The following PTPRD variants were observed in gnomAD, a reference collection of about 807,000 sequenced individuals.
PTPRD encodes receptor-type tyrosine-protein phosphatase delta.
PTPRD carries 34 observed loss-of-function variants against 214.5 expected under a neutral mutation model. The observed-to-expected ratio is 0.16, with a 90% CI of 0.12 to 0.21. The LOEUF (loss-of-function observed/expected upper bound fraction) is 0.21, where lower values mean the gene tolerates loss of function less well. Ranked by LOEUF, PTPRD falls within the 10% of genes least tolerant of loss-of-function variation. PTPRD has a pLI of 1.00. For synonymous variants in PTPRD, 1,128 were observed against 845.7 expected, an observed-to-expected ratio of 1.33 and a Z score of -5.79; for missense variants, 2,545 against 2,398.7, an observed-to-expected ratio of 1.06 and a Z score of -1.27.
intron 7 of PTPRD, among the ~76,000 whole-genome samples, chr9:9,623,263 G>A (rs142826295): frequency 1.3e-5 from 2 of 152,236 alleles, no homozygotes; most frequent in East Asian, 1.9e-4. Flanking sequence ...GAAACTGGGT[G>A]GTTCTTTCAG....
chr9:10,110,712 T>A (rs561359838), intron 3 of PTPRD, among the ~76,000 whole-genome samples: 25 of 152,250 alleles, frequency 1.6e-4, no homozygotes, highest in Middle Eastern at 3.4e-3. Flanking sequence ...CCGTAAAAGG[T>A]TGGCAAAAAT....
chr9:9,298,886 C>T (rs1408679819), intron 9 of PTPRD, among the ~76,000 whole-genome samples: 5 of 151,688 alleles, frequency 3.3e-5, no homozygotes, highest in Non-Finnish European at 5.9e-5. Context: ...ATCCTGTCAG[C>T]AATACCAGCT....
intron 35 of PTPRD, among the ~76,000 whole-genome samples, chr9:8,407,935 G>A (rs951161699): frequency 1.3e-5 from 2 of 152,202 alleles, no homozygotes; most frequent in Admixed American, 6.5e-5. Flanking sequence ...GAAAGTTGGT[G>A]AGGTATACTA....
intron 9 of PTPRD, among the ~76,000 whole-genome samples, chr9:9,228,705 T>G (rs2099961108): frequency 6.6e-6 from 1 of 152,160 alleles, no homozygotes; most frequent in Non-Finnish European, 1.5e-5. Context: ...AGAGTTACTA[T>G]GGAGATTAAA....
chr9:9,595,200 T>C (rs1426504676), intron 7 of PTPRD, among the ~76,000 whole-genome samples: 1 of 150,276 alleles, frequency 6.7e-6, no homozygotes, highest in Admixed American at 6.7e-5. Context: ...TAACTAAAAG[T>C]AGAACTACCA....
chr9:10,068,099 T>C (rs1280216358), intron 3 of PTPRD, among the ~76,000 whole-genome samples: 1 of 151,974 alleles, frequency 6.6e-6, no homozygotes, highest in Non-Finnish European at 1.5e-5. Flanking sequence ...AACAGGTCTA[T>C]TGAAATTACC....
chr9:9,359,492 C>T (rs1344683615), intron 9 of PTPRD, among the ~76,000 whole-genome samples: 1 of 151,222 alleles, frequency 6.6e-6, no homozygotes, highest in Admixed American at 6.6e-5. Context: ...TTTGCAAACA[C>T]ATAGCTAAAT....
intron 3 of PTPRD, among the ~76,000 whole-genome samples, chr9:10,039,658 T>A (rs969747790): frequency 7.2e-5 from 11 of 151,918 alleles, no homozygotes; most frequent in African/African-American, 2.7e-4. Flanking sequence ...AGTATGGCCC[T>A]CAGTTTTCTT....
At chr9:8,692,248 G>C (rs1214730365) in intron 12 of PTPRD, among the ~76,000 whole-genome samples, 1 of 152,208 alleles carries the variant, frequency 6.6e-6, no homozygotes. Flanking sequence ...CTCAGTAGCT[G>C]AACACAATAA....
chr9:8,575,579 C>A (rs2092216785), intron 14 of PTPRD, among the ~76,000 whole-genome samples: 1 of 152,076 alleles, frequency 6.6e-6, no homozygotes, highest in Non-Finnish European at 1.5e-5. Flanking sequence ...AGTGTCTCTG[C>A]AAAAACGTGG....
At position 9,770,966 on chromosome 9, in the gene PTPRD, G is replaced by C. The variant is rs79712514; in HGVS notation, c.-367-4115C>G. Among the ~76,000 whole-genome samples the C allele has an allele frequency of 4.3e-3, 658 of 152,210 alleles. 3 individuals carry two copies. Among genetic ancestry groups the C allele is most frequent in the African/African-American group, 0.015 (634 of 41,546 alleles). On this transcript the variant is annotated intron_variant, in intron 5 of 45. Coordinates refer to ENST00000381196, the MANE Select transcript of PTPRD (RefSeq NM_002839.4). ...TATGCACAGTAATGCAGTATCATTA[G>C]AACTACAAATCTTTCCTGTGTTTTG...
chr9:8,877,899 G>A (rs1286123730), intron 11 of PTPRD, among the ~76,000 whole-genome samples: 4 of 152,186 alleles, frequency 2.6e-5, no homozygotes, highest in African/African-American at 4.8e-5. Flanking sequence ...GGTAGAAATC[G>A]AGGTGTCTAT....
intron 3 of PTPRD, among the ~76,000 whole-genome samples, chr9:10,221,686 T>A (rs1369312099): frequency 6.6e-6 from 1 of 151,998 alleles, no homozygotes; most frequent in Non-Finnish European, 1.5e-5. Flanking sequence ...TTAAGAAGCA[T>A]TAAGTACATC....
chr9:10,285,674 C>T (rs1344816755), intron 3 of PTPRD, among the ~76,000 whole-genome samples: 2 of 143,522 alleles, frequency 1.4e-5, no homozygotes, highest in Admixed American at 1.5e-4. Context: ...GCGGTGGTGC[C>T]ATCTAGGCTC....
At chr9:8,582,754 T>C (rs544227226) in intron 14 of PTPRD, among the ~76,000 whole-genome samples, 2 of 152,326 alleles carry the variant, frequency 1.3e-5, no homozygotes, top group East Asian at 3.9e-4. Context: ...CAAGGATATG[T>C]AGAAGAGGTA....
chr9:8,735,234 C>T (rs1450903304), intron 11 of PTPRD, among the ~76,000 whole-genome samples: 1 of 147,724 alleles, frequency 6.8e-6, no homozygotes, highest in Non-Finnish European at 1.5e-5. Context: ...AACGCTGCTT[C>T]CCAGGTTCAA....
intron 43 of PTPRD, among the ~76,000 whole-genome samples, chr9:8,336,142 C>A (rs1407476571): frequency 6.7e-6 from 1 of 148,906 alleles, no homozygotes; most frequent in Non-Finnish European, 1.5e-5. Flanking sequence ...AAAGAGCCCA[C>A]AAAGCCAAGA....
chr9:8,881,637 T>C (rs766301163), intron 11 of PTPRD, among the ~76,000 whole-genome samples: 2 of 152,116 alleles, frequency 1.3e-5, no homozygotes, highest in Non-Finnish European at 2.9e-5. Context: ...GGAAGCATAG[T>C]ATAGTGGAAA....
chr9:8,890,803 G>A (rs146884851), intron 11 of PTPRD, among the ~76,000 whole-genome samples: 2 of 152,272 alleles, frequency 1.3e-5, no homozygotes, highest in East Asian at 1.9e-4. Context: ...GAAGCAAGGT[G>A]CTATTATAAT....
Sources: gnomAD v4.1 joint callset for allele counts (sites outside exome capture counted in the v4.1 genomes callset) on GRCh38, gnomAD v4.1.1 for gene constraint, MANE v1.5 for transcripts, NCBI Gene and HGNC (gene_info 2026-07-23, HGNC 2026-07-21) for gene names.